PBRM1: variants seen among roughly 807,000 people sequenced by gnomAD.
PBRM1 encodes the protein polybromo 1, also known as protein polybromo-1.
PBRM1 carries 27 observed loss-of-function variants against 194.5 expected under a neutral mutation model. That is an observed-to-expected ratio of 0.14 (90% CI 0.10 to 0.19). The LOEUF is 0.19. Among genes scored for constraint, PBRM1 ranks in the 10% least tolerant of loss-of-function variants. The probability of loss-of-function intolerance (pLI) is 1.00; values close to 1 mark genes in which losing one functional copy is unlikely to be tolerated. For missense variants in PBRM1, 1,466 were observed against 2,077.2 expected, an observed-to-expected ratio of 0.71 and a Z score of 5.72; for synonymous variants, 655 against 693.2, an observed-to-expected ratio of 0.94 and a Z score of 0.87.
intron 22 of PBRM1, among the ~76,000 whole-genome samples, chr3:52,569,517 T>A (rs2086387733): frequency 6.6e-6 from 1 of 152,128 alleles, no homozygotes; most frequent in South Asian, 2.1e-4. Flanking sequence ...GCCTTCAATA[T>A]GATTTTTAAA....
downstream of PBRM1, chr3:52,546,209 A>C: frequency 4.3e-6 from 1 of 232,702 alleles, no homozygotes; most frequent in Non-Finnish European, 8.5e-6. Flanking sequence ...ATAAATAAAT[A>C]ATTTAACCAC....
chr3:52,629,049 A>G lies in PBRM1; in HGVS notation c.1302-14T>C. Reference sequence around the variant, plus strand: ...TTCAGTTTTGTTCTGTGAAAGACAAAGAAATTGCTAGAATTTTCTGTCATG... The same window carrying G: ...TTCAGTTTTGTTCTGTGAAAGACAAGGAAATTGCTAGAATTTTCTGTCATG... On this transcript the variant is annotated splice_polypyrimidine_tract_variant and intron_variant, in intron 11 of 29. Transcript: ENST00000296302. The G allele has an allele frequency of 6.4e-7, 1 of 1,567,894 alleles. No individual in the cohort carries two copies. Among genetic ancestry groups the G allele is most frequent in the Non-Finnish European group, 8.7e-7 (1 of 1,154,532 alleles).
intron 16 of PBRM1, among the ~76,000 whole-genome samples, chr3:52,608,078 A>G (rs946942735): frequency 6.6e-6 from 1 of 152,162 alleles, no homozygotes; most frequent in Non-Finnish European, 1.5e-5. Flanking sequence ...CATCTTTACT[A>G]AATATAAGGT....
chr3:52,560,425 T>C (rs2153475749), intron 25 of PBRM1: 1 of 152,342 alleles, frequency 6.6e-6, no homozygotes, highest in African/African-American at 2.4e-5. Context: ...TGACTAGGGT[T>C]TTCCAAAGAA....
At position 52,609,229 on chromosome 3, in the gene PBRM1, A is replaced by G. The variant is rs1479162988; in HGVS notation, c.2567+84T>C. The G allele has an allele frequency of 7.5e-6, 8 of 1,067,102 alleles. No homozygotes were observed. The highest frequency in any genetic ancestry group is 1.1e-5 in the Non-Finnish European group (8 of 724,536). 66.1% of individuals were successfully genotyped at this position (1,067,102 alleles called of 1,614,324 possible). A position where few individuals can be genotyped will look rare whatever the true frequency, so the allele number is the denominator to read the frequency against. Reference sequence around the variant, plus strand: ...CTACAAATCATGTATGTAAGTGGAAATAGTACATCAAAGCAATATTCTTTC... The same window carrying G: ...CTACAAATCATGTATGTAAGTGGAAGTAGTACATCAAAGCAATATTCTTTC... On this transcript the variant is annotated intron_variant, in intron 16 of 29. Coordinates refer to ENST00000296302, the Ensembl canonical transcript of PBRM1. This position sits in a 1 kb window ranked among gnomAD's most constrained non-coding sequence, Gnocchi z 4.1.
chr3:52,630,153 G>A (rs925760960), intron 11 of PBRM1, among the ~76,000 whole-genome samples: 7 of 151,740 alleles, frequency 4.6e-5, no homozygotes, highest in East Asian at 1.9e-4. Flanking sequence ...AAATGACAAC[G>A]AATAATAAAC....
intron 20 of PBRM1, 121 bp downstream of exon 22, chr3:52,586,304 C>T: frequency 1.3e-6 from 1 of 795,430 alleles, no homozygotes. Context: ...TTCCTTCTTC[C>T]TGTTTGGCTA....
chr3:52,630,602 C>T (rs937262732), intron 11 of PBRM1, among the ~76,000 whole-genome samples: 2 of 152,170 alleles, frequency 1.3e-5, no homozygotes, highest in African/African-American at 4.8e-5. Flanking sequence ...TGGAAGGGAT[C>T]GTAGGCACAG....
intron 10 of PBRM1, among the ~76,000 whole-genome samples, chr3:52,641,372 G>A (rs1160091313): frequency 2.0e-5 from 3 of 149,428 alleles, no homozygotes; most frequent in Admixed American, 6.7e-5. Flanking sequence ...ACTTGAACCC[G>A]GCAGGCGGAC....
At chr3:52,664,230 CTCTT>C (rs1167709250) in intron 3 of PBRM1, among the ~76,000 whole-genome samples, 1 of 151,546 alleles carries the variant, frequency 6.6e-6, no homozygotes, top group African/African-American at 2.4e-5. Context: ...AAGACTTTCT[CTCTT>C]TAAAAAAATA....
In PBRM1 at chr3:52,625,732, G is replaced by A. The variant is rs148238818; in HGVS notation, c.1541+1541C>T. Among the ~76,000 whole-genome samples, 620 of 151,866 alleles carry A rather than the reference G, an allele frequency of 4.1e-3. 3 individuals are homozygous for A. The highest frequency in any genetic ancestry group is 0.023 in the South Asian group (110 of 4,800). On this transcript the variant is annotated intron_variant, in intron 13 of 29. Coordinates refer to ENST00000296302, the Ensembl canonical transcript of PBRM1. ...TGGGATTACAGGTGCCCACTATCAC[G>A]CCTGGCTAATTTTTTTGTATTTTTA...
At chr3:52,662,894 T>C (rs1365422972) in intron 3 of PBRM1, among the ~76,000 whole-genome samples, 1 of 151,072 alleles carries the variant, frequency 6.6e-6, no homozygotes, top group Non-Finnish European at 1.5e-5. Context: ...GAAAGACAAC[T>C]TAAAGGATAA....
At chr3:52,681,823 GA>G, upstream of PBRM1, 1 of 499,938 alleles carries the variant, frequency 2.0e-6, no homozygotes, top group African/African-American at 2.1e-5. Flanking sequence ...ATTCAAAACT[GA>G]AAAAGAAGAA....
At chr3:52,580,547 A>G (rs902486304) in intron 20 of PBRM1, among the ~76,000 whole-genome samples, 1 of 151,996 alleles carries the variant, frequency 6.6e-6, no homozygotes, top group Admixed American at 6.6e-5. Context: ...TATTTTTAGT[A>G]GAGACGGGGT....
exon 24 of PBRM1, chr3:52,563,355 T>A: frequency 6.2e-7 from 1 of 1,613,422 alleles, no homozygotes; most frequent in South Asian, 1.1e-5. Flanking sequence ...GAGAAGGAGG[T>A]TCAATGACCT....
At chr3:52,647,451 AAAAAAAATATATATATATATATATAT>A in intron 7 of PBRM1, among the ~76,000 whole-genome samples, 1 of 75,408 alleles carries the variant, frequency 1.3e-5, no homozygotes, top group South Asian at 3.7e-4. Flanking sequence ...AAAAAAAAAA[AAAAAAAATATATATATATATATATAT>A]ATATATATAT....
Position 52,600,565 on chromosome 3 carries a change from A to T in PBRM1, c.2779+2956T>A, listed in dbSNP as rs188357308. 7.8e-3 allele frequency among the ~76,000 whole-genome samples: 1,194 copies of T among 152,204 alleles called. 10 individuals are homozygous for T. The highest frequency in any genetic ancestry group is 9.9e-3 in the Non-Finnish European group (671 of 68,004). On this transcript the variant is annotated intron_variant, in intron 17 of 29. Coordinates refer to ENST00000296302, the Ensembl canonical transcript of PBRM1. Reference sequence around the variant, plus strand: ...GATAAAGTTCTCATTCATATCCTGAATTGTTTTTCTGATTTCTTTGTAATG... The same window carrying T: ...GATAAAGTTCTCATTCATATCCTGATTTGTTTTTCTGATTTCTTTGTAATG...
At chr3:52,570,192 G>C (rs2086605659) in intron 22 of PBRM1, among the ~76,000 whole-genome samples, 1 of 152,168 alleles carries the variant, frequency 6.6e-6, no homozygotes, top group Non-Finnish European at 1.5e-5. Context: ...GACCAGGCTG[G>C]TCTCGAATTC....
chr3:52,650,236 G>A (rs576680967), intron 6 of PBRM1, among the ~76,000 whole-genome samples: 41 of 151,734 alleles, frequency 2.7e-4, no homozygotes, highest in African/African-American at 9.7e-4. Flanking sequence ...GGTGGCAGGC[G>A]CCTATAATCC....
Sources: gnomAD v4.1 joint callset for allele counts (sites outside exome capture counted in the v4.1 genomes callset) on GRCh38, gnomAD v4.1.1 for gene constraint, Gnocchi (gnomAD v3.1) non-coding constraint, MANE v1.5 for transcripts, NCBI Gene and HGNC (gene_info 2026-07-23, HGNC 2026-07-21) for gene names.